CEP85: variants seen among roughly 807,000 people sequenced by gnomAD.
CEP85 encodes the protein centrosomal protein of 85 kDa.
In CEP85, 58 loss-of-function variants were observed where a neutral mutation model predicts 93.7. The ratio of observed to expected loss-of-function variants is 0.62; its 90% CI spans 0.50 to 0.77. The LOEUF (loss-of-function observed/expected upper bound fraction) is 0.77. CEP85 is among the 30% of genes least tolerant of loss of function. The probability of loss-of-function intolerance (pLI) is 0.00; values close to 1 mark genes in which losing one functional copy is unlikely to be tolerated. For missense variants in CEP85, 868 were observed against 922.0 expected (o/e 0.94, Z 0.76); for synonymous variants, 314 against 338.6 (o/e 0.93, Z 0.80).
At chr1:26,273,960 A>AC (rs2090017161) in intron 11 of CEP85, among the ~76,000 whole-genome samples, 1 of 150,322 alleles carries the variant, frequency 6.7e-6, no homozygotes, top group African/African-American at 2.4e-5. Flanking sequence ...AATTTGTTGG[A>AC]ATTAGATGGA....
chr1:26,241,196 G>A (rs1028024801), intron 2 of CEP85, among the ~76,000 whole-genome samples: 6 of 150,082 alleles, frequency 4.0e-5, no homozygotes, highest in African/African-American at 1.5e-4. Context: ...CATAGAGTAG[G>A]CACCATTATA....
intron 3 of CEP85, among the ~76,000 whole-genome samples, chr1:26,246,748 T>C (rs1451875758): frequency 5.9e-5 from 9 of 151,610 alleles, no homozygotes; most frequent in East Asian, 5.8e-4. Context: ...AAAAAAATTA[T>C]ATACTAAGAC....
chr1:26,258,199 T>G lies in CEP85; in HGVS notation c.1094T>G (p.Val365Gly), dbSNP rs895030602. Reference protein sequence around the residue: ...EQKVRESELQVHSALLGRPAP... With the variant: ...EQKVRESELQGHSALLGRPAP... Reference sequence around the variant, plus strand: ...AAAGTGCGAGAGAGCGAACTGCAAGTCCACAGTGCCCTCTTGGGCCGCCCT... The same window carrying G: ...AAAGTGCGAGAGAGCGAACTGCAAGGCCACAGTGCCCTCTTGGGCCGCCCT... The change falls in exon 6 of 14, where the codon GTC becomes GGC. Residue 365 changes from valine to glycine, a missense_variant. Physicochemically the swap from Val to Gly is moderately radical, Grantham distance 109. Coordinates refer to ENST00000451429, the MANE Select transcript of CEP85 (RefSeq NM_001319944.2). 1 of 1,614,164 alleles carries G rather than the reference T, an allele frequency of 6.2e-7. No homozygotes were observed. Among genetic ancestry groups the G allele is most frequent in the Non-Finnish European group, 8.5e-7 (1 of 1,180,022 alleles).
At chr1:26,270,729 T>A (rs1247090360) in intron 9 of CEP85, among the ~76,000 whole-genome samples, 1 of 152,216 alleles carries the variant, frequency 6.6e-6, no homozygotes, top group African/African-American at 2.4e-5. Flanking sequence ...TAAATACATG[T>A]GATAAATATG....
chr1:26,238,346 GC>G (rs1557645577), intron 1 of CEP85, among the ~76,000 whole-genome samples: 2 of 151,358 alleles, frequency 1.3e-5, no homozygotes, highest in African/African-American at 4.9e-5. Context: ...GATTACAGGC[GC>G]CTGCCACCAT....
intron 7 of CEP85, among the ~76,000 whole-genome samples, chr1:26,265,722 A>G (rs1446070662): frequency 1.3e-5 from 2 of 152,178 alleles, no homozygotes; most frequent in East Asian, 3.8e-4. Context: ...CCCACTGCAG[A>G]TTATAACTTT....
chr1:26,246,887 A>C (rs1186073787), intron 3 of CEP85, among the ~76,000 whole-genome samples: 1 of 152,176 alleles, frequency 6.6e-6, no homozygotes, highest in Non-Finnish European at 1.5e-5. Flanking sequence ...AGCCAGACAC[A>C]AAAGGCTGTA....
At chr1:26,256,766 T>G (rs1181095329) in intron 4 of CEP85, among the ~76,000 whole-genome samples, 1 of 150,684 alleles carries the variant, frequency 6.6e-6, no homozygotes, top group Non-Finnish European at 1.5e-5. Context: ...GCCCAGCTCT[T>G]TTTTGTATTA....
intron 8 of CEP85, chr1:26,269,170 C>T (rs986822698): frequency 3.0e-6 from 1 of 336,136 alleles, no homozygotes; most frequent in East Asian, 5.6e-5. Context: ...TTAAAATAGC[C>T]AATCAGAATT....
At position 26,269,016 on chromosome 1, in the gene CEP85, G is replaced by A. The variant is rs370984241; in HGVS notation, c.1494+381G>A. On this transcript the variant is annotated intron_variant, in intron 8 of 13. Transcript: ENST00000451429. ...ATCTGTTCCCCCGGTCACCTACTCC[G>A]TCCTGACTCATCCCGGTCACCTGCT... 1.1e-4 allele frequency among the ~76,000 whole-genome samples: 17 copies of A among 152,054 alleles called. 1 individual carries two copies. Among genetic ancestry groups the A allele is most frequent in the Middle Eastern group, 3.2e-3 (1 of 316 alleles).
chr1:26,262,805 C>T (rs370061350), intron 7 of CEP85, among the ~76,000 whole-genome samples: 1 of 152,204 alleles, frequency 6.6e-6, no homozygotes, highest in Non-Finnish European at 1.5e-5. Context: ...TCTAGTGAAT[C>T]TTCTCACTTC....
chr1:26,269,532 A>G lies in CEP85; in HGVS notation c.1567A>G (p.Thr523Ala), dbSNP rs1313947261. ...TGAGCTGGAGAGTTTGCTGGAGGAGACCCAGGCAATCTGCAGAGAGAAGGA... is the reference window on the plus strand; with the variant it reads ...TGAGCTGGAGAGTTTGCTGGAGGAGGCCCAGGCAATCTGCAGAGAGAAGGA... ...VTELESLLEE[T>A]QAICREKEIQ... The change falls in exon 9 of 14, where the codon ACC becomes GCC. Residue 523 changes from threonine to alanine, a missense_variant. Coordinates refer to ENST00000451429, the MANE Select transcript of CEP85 (RefSeq NM_001319944.2). 1 of 1,613,904 alleles carries G rather than the reference A, an allele frequency of 6.2e-7. No homozygotes were observed. Among genetic ancestry groups the G allele is most frequent in the South Asian group, 1.1e-5 (1 of 91,074 alleles).
chr1:26,270,251 G>T (rs552685813), intron 9 of CEP85, among the ~76,000 whole-genome samples: 1 of 152,128 alleles, frequency 6.6e-6, no homozygotes, highest in Non-Finnish European at 1.5e-5. Flanking sequence ...TTCAAAAGTG[G>T]GTACTGGTGA....
intron 11 of CEP85, among the ~76,000 whole-genome samples, chr1:26,273,929 T>A (rs1344733139): frequency 7.0e-6 from 1 of 142,514 alleles, no homozygotes; most frequent in African/African-American, 2.6e-5. Flanking sequence ...AATAAATAAA[T>A]AAAATATATA....
chr1:26,255,479 CAAG>C lies in CEP85; in HGVS notation c.522_524del (p.Glu175del), dbSNP rs779663888. 1.1e-5 allele frequency: 18 copies of C among 1,613,940 alleles called. No homozygotes were observed. In the South Asian group the frequency reaches 1.6e-4, roughly 15 times the overall value. On this transcript the variant is annotated inframe_deletion, in exon 4 of 14. Transcript: ENST00000451429. ...GTTTCCAGCAGTGGGCCATGAAAGA[CAAG>C]AAGAGGCGAGGAAGTTTGATATTCC...
intron 1 of CEP85, among the ~76,000 whole-genome samples, chr1:26,235,564 ATTC>A (rs2089312194): frequency 1.4e-5 from 1 of 69,552 alleles, no homozygotes; most frequent in African/African-American, 5.8e-5. Flanking sequence ...TTAGATTGTA[ATTC>A]TTTTTTTTTT....
chr1:26,255,940 A>C (rs1406132640), intron 4 of CEP85, 75 bp downstream of exon 4: 7 of 1,333,072 alleles, frequency 5.3e-6, no homozygotes, highest in African/African-American at 1.5e-5. Flanking sequence ...TGTCCTTTGA[A>C]TTTTGGCTTA....
chr1:26,237,382 T>A lies in CEP85; in HGVS notation c.-22-2380T>A, dbSNP rs138506396. 7.9e-5 allele frequency among the ~76,000 whole-genome samples: 12 copies of A among 152,266 alleles called. No homozygotes were observed. In the East Asian group the frequency reaches 2.1e-3, roughly 27 times the overall value. On this transcript the variant is annotated intron_variant, in intron 1 of 13. Transcript: ENST00000451429. ...CTTCCTATTCTCCTACCCTCCCTCC[T>A]CTCAGTCCTTTGCAATCACTAATCT...
intron 11 of CEP85, among the ~76,000 whole-genome samples, chr1:26,274,064 T>A (rs2090018454): frequency 1.3e-5 from 2 of 151,708 alleles, no homozygotes; most frequent in South Asian, 2.1e-4. Flanking sequence ...TATAAAAAAA[T>A]TTTCACACTT....
Sources: allele counts gnomAD v4.1 joint callset (sites outside exome capture counted in the v4.1 genomes callset), GRCh38; gene constraint gnomAD v4.1.1; transcripts MANE v1.5; gene names NCBI Gene and HGNC (gene_info 2026-07-23, HGNC 2026-07-21).